ST8SIA5: variants seen among roughly 807,000 people sequenced by gnomAD.
ST8SIA5 encodes the protein alpha-2,8-sialyltransferase 8E.
A neutral mutation model predicts 40.2 loss-of-function variants in ST8SIA5; 24 were observed. The observed-to-expected ratio is 0.60, with a 90% CI of 0.43 to 0.84. The LOEUF is 0.84. ST8SIA5 is among the 40% of genes least tolerant of loss of function. The pLI, the probability that ST8SIA5 is intolerant of heterozygous loss-of-function variation, is 0.00. For synonymous variants in ST8SIA5, 198 were observed against 201.8 expected, an observed-to-expected ratio of 0.98 and a Z score of 0.16; for missense variants, 465 against 498.5, an observed-to-expected ratio of 0.93 and a Z score of 0.64.
intron 1 of ST8SIA5, chr18:46,721,467 C>A: frequency 2.0e-6 from 3 of 1,536,066 alleles, no homozygotes; most frequent in Non-Finnish European, 2.6e-6. Flanking sequence ...AAACTGGAGG[C>A]CTCTGGCAAG....
intron 2 of ST8SIA5, among the ~76,000 whole-genome samples, chr18:46,700,822 C>T (rs2039605885): frequency 6.6e-6 from 1 of 152,132 alleles, no homozygotes; most frequent in Non-Finnish European, 1.5e-5. Context: ...CAATGGGAGT[C>T]CATAACAGGG....
chr18:46,685,171 T>C (rs1262518465), intron 5 of ST8SIA5, among the ~76,000 whole-genome samples: 2 of 152,224 alleles, frequency 1.3e-5, no homozygotes, highest in Non-Finnish European at 2.9e-5. Context: ...TGAGGTCATG[T>C]GCCTAGCAAT....
rs567280826 is a variant in ST8SIA5 at position 46,732,772 on chromosome 18, A to G, written c.131+23606T>C. On this transcript the variant is annotated intron_variant, in intron 1 of 6. Transcript: ENST00000315087. The stretch of plus-strand genomic sequence containing the variant: ...AAGGTAGCTCGGTTTTCTTATCTTC[A>G]ACCCAGGGCCAACTGGGTTGTGGGG... 2.0e-5 allele frequency among the ~76,000 whole-genome samples: 3 copies of G among 152,292 alleles called. No individual in the cohort carries two copies. The South Asian group carries it at 6.2e-4, about 32-fold the overall frequency.
Position 46,756,404 on chromosome 18 carries a change from G to T in ST8SIA5, c.105C>A (p.Ile35=). ...TCTTAATGTAGTTCCTGCCATACAG[G>T]ATCTGTTGCAGCAAGGTCACCAAGG... ...AFALVTLLQQ[I]LYGRNYIKRY... Residue 35 remains isoleucine, a synonymous_variant, in exon 1 of 7, where the codon ATC becomes ATA. Transcript: ENST00000315087. The T allele has an allele frequency of 6.2e-7, 1 of 1,613,030 alleles. No individual in the cohort carries two copies. The highest frequency in any genetic ancestry group is 1.7e-5 in the Admixed American group (1 of 59,986).
chr18:46,732,011 A>C (rs772050356), intron 1 of ST8SIA5, among the ~76,000 whole-genome samples: 1 of 152,178 alleles, frequency 6.6e-6, no homozygotes, highest in Non-Finnish European at 1.5e-5. Context: ...GTGCTGCCCA[A>C]GTTGTGGGAA....
In ST8SIA5 at chr18:46,700,423, G is replaced by A. The variant is rs549488940; in HGVS notation, c.224+4149C>T. ...AGACTGAGGGTTGGACCCTCTATGA[G>A]TCCTCCTCATGGCACTGGGCTGGAG... is the stretch of plus-strand genomic sequence containing the variant. On this transcript the variant is annotated intron_variant, in intron 2 of 6. Transcript: ENST00000315087. Among the ~76,000 whole-genome samples the A allele has an allele frequency of 3.3e-5, 5 of 152,290 alleles. No homozygotes were observed. In the South Asian group the frequency reaches 1.0e-3, roughly 32 times the overall value.
At chr18:46,701,668 G>C (rs1488194245) in intron 2 of ST8SIA5, among the ~76,000 whole-genome samples, 1 of 152,086 alleles carries the variant, frequency 6.6e-6, no homozygotes, top group Non-Finnish European at 1.5e-5. Context: ...CCAGAATTGT[G>C]GAAGAATTAA....
At position 46,675,761 on chromosome 18, in the gene ST8SIA5, C is replaced by G. The variant is rs2144446867; in HGVS notation, c.*4281G>C. ...AGAAGAGGAGAGGACTTTAGAAAGA[C>G]CAGAGAGACTGTGCATAGTGGCTCA... On this transcript the variant is annotated 3_prime_UTR_variant, in exon 7 of 7. Transcript: ENST00000315087. The G allele has an allele frequency of 6.6e-6, 1 of 152,218 alleles. No individual in the cohort carries two copies. Among genetic ancestry groups the G allele is most frequent in the East Asian group, 1.9e-4 (1 of 5,176 alleles). 9.4% of individuals were successfully genotyped at this position (152,218 alleles called of 1,614,324 possible).
Position 46,675,480 on chromosome 18 carries a change from T to C in ST8SIA5, c.*4562A>G, listed in dbSNP as rs2039333816. 1.3e-5 allele frequency: 2 copies of C among 152,192 alleles called. No homozygotes were observed. The highest frequency in any genetic ancestry group is 4.8e-5 in the African/African-American group (2 of 41,436). 9.4% of individuals were successfully genotyped at this position (152,192 alleles called of 1,614,324 possible). The stretch of plus-strand genomic sequence containing the variant: ...GGACATGTTGAGGTCTGAGATGCTG[T>C]GCAGACACAGACATGCAGGAGGCCA... On this transcript the variant is annotated 3_prime_UTR_variant, in exon 7 of 7. Coordinates refer to ENST00000315087, the MANE Select transcript of ST8SIA5 (RefSeq NM_013305.6).
chr18:46,688,787 G>A lies in ST8SIA5; in HGVS notation c.444C>T (p.Arg148=). 2 of 1,613,358 alleles carry A rather than the reference G, an allele frequency of 1.2e-6. No homozygotes were observed. The highest frequency in any genetic ancestry group is 1.7e-6 in the Non-Finnish European group (2 of 1,179,690). The part of the protein sequence containing the change: ...GIYHINQEIF[R]MFPKDMPYYR... The stretch of plus-strand genomic sequence containing the variant: ...CCCAAAGCAGCACCTTGGGAAACAT[G>A]CGGAAGATCTCCTGGTTGATGTGGT... The change falls in exon 4 of 7, where the codon CGC becomes CGT. Residue 148 remains arginine (R), a synonymous_variant. Coordinates refer to ENST00000315087, the MANE Select transcript of ST8SIA5 (RefSeq NM_013305.6).
At position 46,668,395 on chromosome 18, in the gene ST8SIA5, G is replaced by A. The variant is rs1357075565; in HGVS notation, c.*11647C>T. 6.6e-6 allele frequency: 1 copy of A among 152,220 alleles called. No individual in the cohort carries two copies. Among genetic ancestry groups the A allele is most frequent in the East Asian group, 1.9e-4 (1 of 5,160 alleles). The allele number at this position is 152,220 out of a possible 1,614,324, so 9.4% of individuals were successfully genotyped here. On this transcript the variant is annotated 3_prime_UTR_variant, in exon 7 of 7. Coordinates refer to ENST00000315087, the MANE Select transcript of ST8SIA5 (RefSeq NM_013305.6). The stretch of plus-strand genomic sequence containing the variant: ...GCAGGCTCCTGGGCAGGGGTGCCAG[G>A]AAACTGACACCACGCCTGGGCTGAA...
chr18:46,689,896 T>G lies in ST8SIA5; in HGVS notation c.312-977A>C, dbSNP rs546647850. On this transcript the variant is annotated intron_variant, in intron 3 of 6. Coordinates refer to ENST00000315087, the MANE Select transcript of ST8SIA5 (RefSeq NM_013305.6). Reference sequence around the variant, plus strand: ...GAGTCACCATGCCTGGCCTATAATGTTTTTTTTTTTAATTTCATCTCTTGC... The same window carrying G: ...GAGTCACCATGCCTGGCCTATAATGGTTTTTTTTTTAATTTCATCTCTTGC... 4.8e-3 allele frequency among the ~76,000 whole-genome samples: 575 copies of G among 119,512 alleles called. 5 individuals carry two copies. Among genetic ancestry groups the G allele is most frequent in the African/African-American group, 0.02 (558 of 27,308 alleles). The allele number at this position is 119,512 out of a possible 152,430, so 78.4% of individuals were successfully genotyped here.
Position 46,672,334 on chromosome 18 carries a change from C to T in ST8SIA5, c.*7708G>A, listed in dbSNP as rs888245698. 5.9e-5 allele frequency: 9 copies of T among 152,196 alleles called. No homozygotes were observed. Among genetic ancestry groups the T allele is most frequent in the African/African-American group, 2.2e-4 (9 of 41,436 alleles). The allele number at this position is 152,196 out of a possible 1,614,324, so 9.4% of individuals were successfully genotyped here. On this transcript the variant is annotated 3_prime_UTR_variant, in exon 7 of 7. Coordinates refer to ENST00000315087, the MANE Select transcript of ST8SIA5 (RefSeq NM_013305.6). ...GGGATACCAGGCCCTATCCCCAGGC[C>T]TGCTGAATCAGATCCTCCGGGAAGT...
chr18:46,668,157 C>G lies in ST8SIA5; in HGVS notation c.*11885G>C, dbSNP rs1025670252. The G allele has an allele frequency of 3.9e-5, 6 of 152,250 alleles. No homozygotes were observed. The highest frequency in any genetic ancestry group is 1.4e-4 in the African/African-American group (6 of 41,440). 9.4% of individuals were successfully genotyped at this position (152,250 alleles called of 1,614,324 possible). On this transcript the variant is annotated 3_prime_UTR_variant, in exon 7 of 7. Coordinates refer to ENST00000315087, the MANE Select transcript of ST8SIA5 (RefSeq NM_013305.6). The stretch of plus-strand genomic sequence containing the variant: ...GGCTTTTCATATAGATGGTGTTTCT[C>G]CACATCCCAGCAAAGGACATCTCAG...
chr18:46,743,802 G>A (rs542709024), intron 1 of ST8SIA5, among the ~76,000 whole-genome samples: 1 of 152,294 alleles, frequency 6.6e-6, no homozygotes, highest in Admixed American at 6.5e-5. Flanking sequence ...AAAAGGTTAA[G>A]GGCAGCCAGA....
intron 5 of ST8SIA5, 110 bp from the exon 6 acceptor site, chr18:46,682,174 G>C: frequency 1.3e-6 from 1 of 781,672 alleles, no homozygotes; most frequent in Non-Finnish European, 2.0e-6. Context: ...GGGATGCAAA[G>C]GCAACCAGCT....
At chr18:46,682,114 G>A (rs1486029597) in intron 5 of ST8SIA5, 50 bp from the exon 6 acceptor site, 2 of 1,478,638 alleles carry the variant, frequency 1.4e-6, no homozygotes, top group Non-Finnish European at 1.8e-6. Flanking sequence ...CAATAGGTCA[G>A]GCTGGGGAGG....
intron 1 of ST8SIA5, among the ~76,000 whole-genome samples, chr18:46,753,666 T>C (rs936167574): frequency 1.3e-5 from 2 of 152,180 alleles, no homozygotes; most frequent in South Asian, 2.1e-4. Flanking sequence ...TCAGCACTAC[T>C]GACATTTGGG....
chr18:46,701,015 C>G (rs1166808745), intron 2 of ST8SIA5, among the ~76,000 whole-genome samples: 1 of 151,862 alleles, frequency 6.6e-6, no homozygotes, highest in South Asian at 2.1e-4. Context: ...TAATCTGGCC[C>G]TAAATGGAAG....
Sources: allele counts gnomAD v4.1 joint callset (sites outside exome capture counted in the v4.1 genomes callset), GRCh38; gene constraint gnomAD v4.1.1; transcripts MANE v1.5; gene names NCBI Gene and HGNC (gene_info 2026-07-23, HGNC 2026-07-21).